The following GREB1 variants were observed in gnomAD, a reference collection of about 807,000 sequenced individuals.
GREB1 encodes the protein growth regulating estrogen receptor binding 1.
A neutral mutation model predicts 200.7 loss-of-function variants in GREB1; 106 were observed. The observed-to-expected ratio is 0.53, with a 90% CI of 0.45 to 0.62. The LOEUF is 0.62. Ranked by LOEUF, GREB1 falls within the 20% of genes least tolerant of loss-of-function variation. The probability of loss-of-function intolerance (pLI) is 0.00; values close to 1 mark genes in which losing one functional copy is unlikely to be tolerated. For synonymous variants in GREB1, 1,132 were observed against 1,092.4 expected (o/e 1.04, Z -0.72); for missense variants, 2,243 against 2,556.8 (o/e 0.88, Z 2.65).
chr2:11,623,360 C>T (rs1308245332), intron 23 of GREB1, among the ~76,000 whole-genome samples: 1 of 152,200 alleles, frequency 6.6e-6, no homozygotes, highest in Non-Finnish European at 1.5e-5. Flanking sequence ...TTATAGTATA[C>T]ACCTTCTACT....
intron 26 of GREB1, 98 bp from the exon 27 acceptor site, chr2:11,631,811 A>G: frequency 1.1e-6 from 1 of 908,604 alleles, no homozygotes; most frequent in Non-Finnish European, 1.8e-6. Flanking sequence ...AGGCATGGTC[A>G]TCATTCTTTG....
At chr2:11,616,929 G>A (rs1467127319) in intron 21 of GREB1, among the ~76,000 whole-genome samples, 1 of 152,252 alleles carries the variant, frequency 6.6e-6, no homozygotes, top group African/African-American at 2.4e-5. Context: ...GAGCAAGACT[G>A]TAGGGTTCTG....
chr2:11,532,484 G>C (rs1322851631), upstream of GREB1, among the ~76,000 whole-genome samples: 3 of 152,174 alleles, frequency 2.0e-5, no homozygotes, highest in Non-Finnish European at 2.9e-5. Flanking sequence ...TTTAGTTTTT[G>C]TTTAAAGGTT....
At chr2:11,518,062 C>CCAGAGAGG (rs1673570984) in intron 1 of GREB1, among the ~76,000 whole-genome samples, 3 of 152,142 alleles carry the variant, frequency 2.0e-5, no homozygotes, top group African/African-American at 7.2e-5. Flanking sequence ...TAATTTAGTG[C>CCAGAGAGG]TATTCCTCAA....
At position 11,632,175 on chromosome 2, in the gene GREB1, G is replaced by T; in HGVS notation, c.4816+62G>T. The T allele has an allele frequency of 3.3e-6, 4 of 1,205,618 alleles. No individual in the cohort carries two copies. The Admixed American group carries it at 7.3e-5, about 22-fold the overall frequency. The allele number at this position is 1,205,618 out of a possible 1,614,324, so 74.7% of individuals were successfully genotyped here. A position where few individuals can be genotyped will look rare whatever the true frequency, so the allele number is the denominator to read the frequency against. ...CCTGTGAACGAACACTTGAGAGAGT[G>T]TTCTAGAGACAAAAGTTAAACATGT... On this transcript the variant is annotated intron_variant, in intron 27 of 32. Transcript: ENST00000381486.
At chr2:11,525,401 G>T (rs1392311543) in intron 1 of GREB1, among the ~76,000 whole-genome samples, 2 of 150,990 alleles carry the variant, frequency 1.3e-5, no homozygotes, top group South Asian at 2.1e-4. Context: ...GAAGTCTGAG[G>T]CAGGAGGATC....
At chr2:11,520,430 G>C (rs1230849678) in intron 1 of GREB1, among the ~76,000 whole-genome samples, 1 of 152,180 alleles carries the variant, frequency 6.6e-6, no homozygotes, top group Non-Finnish European at 1.5e-5. Flanking sequence ...GGAGGAATCT[G>C]TTTCCTTATT....
intron 23 of GREB1, among the ~76,000 whole-genome samples, chr2:11,624,719 C>T: frequency 6.6e-6 from 1 of 152,166 alleles, no homozygotes; most frequent in South Asian, 2.1e-4. Context: ...TATATAGCAA[C>T]CTTATCCAAC....
chr2:11,552,992 A>T (rs1200389939), intron 1 of GREB1, among the ~76,000 whole-genome samples: 2 of 139,480 alleles, frequency 1.4e-5, no homozygotes, highest in Non-Finnish European at 3.0e-5. Context: ...CCTGGGCGAC[A>T]GAGCGAAACT....
intron 1 of GREB1, among the ~76,000 whole-genome samples, chr2:11,516,579 CTG>C (rs1200939466): frequency 5.3e-5 from 8 of 152,190 alleles, no homozygotes; most frequent in Non-Finnish European, 7.3e-5. Flanking sequence ...CAAGTCCCAG[CTG>C]TAGTTGACGT....
At chr2:11,611,339 G>A (rs896315518) in intron 18 of GREB1, among the ~76,000 whole-genome samples, 1 of 152,076 alleles carries the variant, frequency 6.6e-6, no homozygotes, top group East Asian at 1.9e-4. Flanking sequence ...TTGAGACAGG[G>A]TCTCACTCTG....
intron 13 of GREB1, among the ~76,000 whole-genome samples, chr2:11,596,734 T>C (rs1384547979): frequency 1.6e-5 from 1 of 62,188 alleles, no homozygotes; most frequent in Non-Finnish European, 3.0e-5. Context: ...GGCACTGGTT[T>C]GTACAGTGAG....
At chr2:11,512,428 C>T (rs1673376972) in intron 1 of GREB1, among the ~76,000 whole-genome samples, 1 of 152,166 alleles carries the variant, frequency 6.6e-6, no homozygotes, top group Admixed American at 6.5e-5. Context: ...TTACTATGTG[C>T]TATGCCCTGT....
At chr2:11,513,957 C>T (rs931562728) in intron 1 of GREB1, among the ~76,000 whole-genome samples, 6 of 152,166 alleles carry the variant, frequency 3.9e-5, no homozygotes, top group South Asian at 2.1e-4. Context: ...AAGTCCTGGC[C>T]GCTGCCCTTA....
intron 1 of GREB1, among the ~76,000 whole-genome samples, chr2:11,511,083 C>A (rs564705365): frequency 6.6e-6 from 1 of 152,324 alleles, no homozygotes; most frequent in Admixed American, 6.5e-5. Context: ...AAACTCTTCA[C>A]ATTGGCTTCT....
chr2:11,544,382 A>G (rs1675053763), intron 1 of GREB1, among the ~76,000 whole-genome samples: 1 of 151,866 alleles, frequency 6.6e-6, no homozygotes, highest in African/African-American at 2.4e-5. Context: ...ATGCCTGGCT[A>G]ATTTTTTGTA....
Position 11,585,278 on chromosome 2 carries a change from A to C in GREB1, c.1015+4A>C. The C allele has an allele frequency of 6.7e-7, 1 of 1,494,492 alleles. No homozygotes were observed. The highest frequency in any genetic ancestry group is 9.0e-7 in the Non-Finnish European group (1 of 1,113,094). 92.6% of individuals were successfully genotyped at this position (1,494,492 alleles called of 1,614,324 possible). ...GGTGGGAACAGAGCTAAGTATGGTA[A>C]GTGATGGCAGCCTTGCCCAGAATTC... On this transcript the variant is annotated splice_donor_region_variant and intron_variant, in intron 8 of 32. Transcript: ENST00000381486.
At chr2:11,575,301 G>A (rs368433774) in intron 4 of GREB1, among the ~76,000 whole-genome samples, 3 of 152,228 alleles carry the variant, frequency 2.0e-5, no homozygotes, top group African/African-American at 7.2e-5. Context: ...TCTTAAGATC[G>A]TTTAAATAAG....
intron 23 of GREB1, among the ~76,000 whole-genome samples, chr2:11,624,175 C>T (rs1370491019): frequency 6.6e-6 from 1 of 152,108 alleles, no homozygotes. Flanking sequence ...AGTGCATGGC[C>T]ATGTCCCAGG....
Sources: gnomAD v4.1 joint callset for allele counts (sites outside exome capture counted in the v4.1 genomes callset) on GRCh38, gnomAD v4.1.1 for gene constraint, MANE v1.5 for transcripts, NCBI Gene and HGNC (gene_info 2026-07-23, HGNC 2026-07-21) for gene names.